Variants in BMPR1A observed in about 807,000 individuals in gnomAD.
BMPR1A encodes bone morphogenetic protein receptor type 1A.
Under a neutral mutation model 66.0 loss-of-function variants are expected in BMPR1A, and 7 were observed. The ratio of observed to expected loss-of-function variants is 0.11; its 90% confidence interval spans 0.06 to 0.20. The LOEUF (loss-of-function observed/expected upper bound fraction) is 0.20. Among genes scored for constraint, BMPR1A ranks in the 10% least tolerant of loss-of-function variants. The pLI, the probability that BMPR1A is intolerant of heterozygous loss-of-function variation, is 1.00. For synonymous variants in BMPR1A, 200 were observed against 229.7 expected, an observed-to-expected ratio of 0.87 and a Z score of 1.17; for missense variants, 408 against 669.1, an observed-to-expected ratio of 0.61 and a Z score of 4.31.
At chr10:86,827,971 G>A (rs771682827) in intron 1 of BMPR1A, among the ~76,000 whole-genome samples, 17 of 152,276 alleles carry the variant, frequency 1.1e-4, no homozygotes, top group Middle Eastern at 3.4e-3. Context: ...GGCCAATATG[G>A]TGAAACCGCA....
intron 1 of BMPR1A, among the ~76,000 whole-genome samples, chr10:86,830,368 G>A (rs1842251576): frequency 6.6e-6 from 1 of 152,202 alleles, no homozygotes; most frequent in African/African-American, 2.4e-5. Flanking sequence ...TGGCTCATTT[G>A]GTCAAGCAAA....
At chr10:86,876,613 CT>C (rs1272150381) in intron 3 of BMPR1A, among the ~76,000 whole-genome samples, 1 of 152,088 alleles carries the variant, frequency 6.6e-6, no homozygotes, top group Non-Finnish European at 1.5e-5. Context: ...AAAACCTCAT[CT>C]TTACCAAAAA....
chr10:86,802,463 T>C (rs150937867), intron 1 of BMPR1A, among the ~76,000 whole-genome samples: 10 of 152,330 alleles, frequency 6.6e-5, no homozygotes, highest in Non-Finnish European at 1.2e-4. Context: ...TACAAATGCT[T>C]GAATGACTAT....
Position 86,782,329 on chromosome 10 carries a change from A to G in BMPR1A, c.-268+25410A>G, listed in dbSNP as rs187699728. ...ATATCTCTTCGAGATCCTGTTTTCA[A>G]TTTTTTTAGATATATACTGAGAAGT... is the stretch of plus-strand genomic sequence containing the variant. On this transcript the variant is annotated intron_variant, in intron 1 of 12. Coordinates refer to ENST00000372037, the MANE Select transcript of BMPR1A (RefSeq NM_004329.3). 4.4e-4 allele frequency among the ~76,000 whole-genome samples: 67 copies of G among 152,180 alleles called. No homozygotes were observed. The East Asian group carries it at 0.013, about 28-fold the overall frequency.
chr10:86,858,250 G>T (rs1386558537), intron 2 of BMPR1A, among the ~76,000 whole-genome samples: 7 of 152,132 alleles, frequency 4.6e-5, no homozygotes, highest in African/African-American at 1.4e-4. Flanking sequence ...TCCTTAATGT[G>T]ATAAAGACTT....
chr10:86,837,233 G>GTGTGTGTGTGTGTGTGTC (rs1195196866), intron 1 of BMPR1A, among the ~76,000 whole-genome samples: 23 of 101,924 alleles, frequency 2.3e-4, no homozygotes, highest in African/African-American at 9.2e-4. Context: ...GAATCAGGCT[G>GTGTGTGTGTGTGTGTGTC]TGTGTGTGTG....
chr10:86,780,091 T>C (rs554085963), intron 1 of BMPR1A, among the ~76,000 whole-genome samples: 28 of 152,206 alleles, frequency 1.8e-4, no homozygotes, highest in Non-Finnish European at 3.8e-4. Flanking sequence ...TCATTTGTTT[T>C]TTGGCCATTT....
Position 86,762,897 on chromosome 10 carries a change from G to A in BMPR1A, c.-268+5978G>A, listed in dbSNP as rs114374180. Among the ~76,000 whole-genome samples the A allele has an allele frequency of 5.0e-3, 763 of 151,802 alleles. 9 individuals carry two copies. The highest frequency in any genetic ancestry group is 0.018 in the African/African-American group (743 of 41,386). On this transcript the variant is annotated intron_variant, in intron 1 of 12. Transcript: ENST00000372037. ...AGACTGTTTTTGGAAGTATTCAGTA[G>A]TATTTATTTATTTATTTGAGACGGA...
intron 2 of BMPR1A, among the ~76,000 whole-genome samples, chr10:86,864,221 A>T (rs2133250721): frequency 6.6e-6 from 1 of 152,260 alleles, no homozygotes; most frequent in Admixed American, 6.5e-5. Flanking sequence ...CATGCACACT[A>T]GTTTTCTTTA....
intron 5 of BMPR1A, among the ~76,000 whole-genome samples, chr10:86,895,782 C>A (rs1033475550): frequency 6.6e-6 from 1 of 152,090 alleles, no homozygotes; most frequent in Non-Finnish European, 1.5e-5. Flanking sequence ...AATCCCAGCA[C>A]TTTTGGAGGC....
rs550671592 is a variant in BMPR1A, at chr10:86,832,308, A to C, written c.-267-6557A>C. On this transcript the variant is annotated intron_variant, in intron 1 of 12. Transcript: ENST00000372037. ...TGGTGAAACCCTGTCTCTACTAAAA[A>C]TACAAAAGTTAGCTGAGTGTGATGG... Among the ~76,000 whole-genome samples, 9 of 152,262 alleles carry C rather than the reference A, an allele frequency of 5.9e-5. No individual in the cohort carries two copies. In the East Asian group the frequency reaches 1.7e-3, roughly 29 times the overall value.
chr10:86,817,528 T>A (rs1842052164), intron 1 of BMPR1A, among the ~76,000 whole-genome samples: 1 of 152,210 alleles, frequency 6.6e-6, no homozygotes, highest in Non-Finnish European at 1.5e-5. Flanking sequence ...ATTTTAGCTG[T>A]TGTGAATAAT....
chr10:86,921,424 G>A (rs1220375026), intron 10 of BMPR1A, 96 bp from the exon 11 acceptor site: 3 of 1,515,280 alleles, frequency 2.0e-6, no homozygotes, highest in Non-Finnish European at 2.7e-6. Flanking sequence ...CTGGCCCCAA[G>A]GAGAAAAAGA....
intron 2 of BMPR1A, among the ~76,000 whole-genome samples, chr10:86,860,367 A>G (rs1038179711): frequency 1.3e-5 from 2 of 152,230 alleles, no homozygotes; most frequent in African/African-American, 2.4e-5. Flanking sequence ...ATGTAAGGCA[A>G]TGCTATATGT....
intron 1 of BMPR1A, among the ~76,000 whole-genome samples, chr10:86,778,136 A>C (rs959441366): frequency 1.3e-5 from 2 of 152,134 alleles, no homozygotes; most frequent in African/African-American, 4.8e-5. Context: ...GGCTTGTCCA[A>C]CTCATGGCTC....
chr10:86,914,132 A>G (rs908471790), intron 8 of BMPR1A, among the ~76,000 whole-genome samples: 2 of 151,266 alleles, frequency 1.3e-5, no homozygotes, highest in East Asian at 1.9e-4. Context: ...AAAAAAAAAC[A>G]AAAAGATGCC....
chr10:86,929,445 A>C (rs1843788090), downstream of BMPR1A: 1 of 152,204 alleles, frequency 6.6e-6, no homozygotes, highest in South Asian at 2.1e-4. Flanking sequence ...ACCGCCAGTC[A>C]GGGCTGTTTT....
At chr10:86,782,051 CG>C (rs1342786578) in intron 1 of BMPR1A, among the ~76,000 whole-genome samples, 3 of 128 alleles carry the variant, frequency 0.023, no homozygotes, top group Non-Finnish European at 0.039. Flanking sequence ...TTGGTAGAGA[CG>C]GGGTTTCACT....
At chr10:86,921,916 AC>A (rs1843670452) in intron 11 of BMPR1A, among the ~76,000 whole-genome samples, 2 of 152,196 alleles carry the variant, frequency 1.3e-5, no homozygotes, top group South Asian at 4.1e-4. Flanking sequence ...TGTTTCACCA[AC>A]CAGTTATACT....
Sources: allele counts gnomAD v4.1 joint callset (sites outside exome capture counted in the v4.1 genomes callset), GRCh38; gene constraint gnomAD v4.1.1; transcripts MANE v1.5; gene names NCBI Gene and HGNC (gene_info 2026-07-23, HGNC 2026-07-21).